Variants in SF3A3 observed in about 807,000 individuals in gnomAD.
SF3A3 encodes the protein splicing factor 3a subunit 3, also known as SAP 61.
SF3A3 carries 9 observed loss-of-function variants against 85.8 expected under a neutral mutation model. That is an observed-to-expected ratio of 0.10 (90% CI 0.06 to 0.18). The LOEUF (loss-of-function observed/expected upper bound fraction) is 0.18, where lower values mean the gene tolerates loss of function less well. Among genes scored for constraint, SF3A3 ranks in the 10% least tolerant of loss-of-function variants. The pLI, the probability that SF3A3 is intolerant of heterozygous loss-of-function variation, is 1.00. For missense variants in SF3A3, 306 were observed against 593.3 expected, an observed-to-expected ratio of 0.52 and a Z score of 5.03; for synonymous variants, 195 against 204.4, an observed-to-expected ratio of 0.95 and a Z score of 0.39.
chr1:37,981,941 TG>T (rs111640788), intron 6 of SF3A3, 130 bp from the exon 7 acceptor site: 234 of 584,248 alleles, frequency 4.0e-4, no homozygotes, highest in South Asian at 7.0e-4. Context: ...TGGCTAATTT[TG>T]GTTTTTTTTG....
intron 4 of SF3A3, among the ~76,000 whole-genome samples, chr1:37,986,002 G>GCA (rs1359520090): frequency 6.9e-6 from 1 of 144,990 alleles, no homozygotes; most frequent in Non-Finnish European, 1.5e-5. Flanking sequence ...AGGCTGGAGT[G>GCA]CAGTGGCGTG....
intron 7 of SF3A3, 115 bp downstream of exon 7, chr1:37,981,613 TG>T (rs3838995): frequency 0.023 from 16,615 of 730,048 alleles, 896 homozygotes; most frequent in East Asian, 0.18. Context: ...CCAATAAACC[TG>T]GAAGTATGCC....
Position 37,962,285 on chromosome 1 carries a change from CAAAAAAAAAAAAAAAAAA to C in SF3A3, c.1373-2128_1373-2111del, listed in dbSNP as rs10559284. 8.3e-4 allele frequency among the ~76,000 whole-genome samples: 22 copies of C among 26,538 alleles called. 1 individual carries two copies. In the South Asian group the frequency reaches 0.045, roughly 54 times the overall value. 17.4% of individuals were successfully genotyped at this position (26,538 alleles called of 152,430 possible). On this transcript the variant is annotated intron_variant, in intron 15 of 16. Transcript: ENST00000373019. ...AGCCTGGGTGACAGAGCGAGACTGTCAAAAAAAAAAAAAAAAAAAAAAAAAAAAAAAAAAAAGGCTGGG... is the reference window on the plus strand; with the variant it reads ...AGCCTGGGTGACAGAGCGAGACTGTCAAAAAAAAAAAAAAAAAAGGCTGGG...
intron 15 of SF3A3, among the ~76,000 whole-genome samples, chr1:37,966,342 G>A (rs1646300215): frequency 1.3e-5 from 2 of 152,122 alleles, no homozygotes; most frequent in Admixed American, 1.3e-4. Flanking sequence ...TCCTCTATGT[G>A]CTTCAGCAGC....
intron 15 of SF3A3, among the ~76,000 whole-genome samples, chr1:37,962,199 G>A (rs1297346107): frequency 3.6e-5 from 5 of 138,010 alleles, no homozygotes; most frequent in African/African-American, 1.1e-4. Context: ...CTTACTATGT[G>A]ACAGGGCAGT....
intron 12 of SF3A3, among the ~76,000 whole-genome samples, chr1:37,970,284 G>A (rs1397923973): frequency 2.8e-5 from 4 of 144,776 alleles, no homozygotes; most frequent in African/African-American, 5.2e-5. Flanking sequence ...CAGCCTGGGC[G>A]ACAGAGTGAG....
intron 7 of SF3A3, 71 bp downstream of exon 7, chr1:37,981,658 C>G: frequency 4.2e-6 from 4 of 961,054 alleles, no homozygotes; most frequent in Non-Finnish European, 6.7e-6. Flanking sequence ...AAATTCAGAA[C>G]TTCACCCTCA....
Position 37,989,564 on chromosome 1 carries a change from G to C in SF3A3, c.128C>G (p.Thr43Ser). Residue 43 changes from threonine (T) to serine (S), a missense_variant, in exon 2 of 17, where the codon ACT becomes AGT. Transcript: ENST00000373019. ...LRDQINSDHR[T>S]RAMQDRYMEV... ...GGCACTCACATCTTGCATGGCCCGA[G>C]TGCGGTGATCAGAATTGATCTGGTC... 6.2e-7 allele frequency: 1 copy of C among 1,613,994 alleles called. No individual in the cohort carries two copies. The highest frequency in any genetic ancestry group is 8.5e-7 in the Non-Finnish European group (1 of 1,179,976).
At position 37,984,696 on chromosome 1, in the gene SF3A3, C is replaced by A; in HGVS notation, c.376+11G>T. 1 of 1,599,060 alleles carries A rather than the reference C, an allele frequency of 6.3e-7. No individual in the cohort carries two copies. The highest frequency in any genetic ancestry group is 8.6e-7 in the Non-Finnish European group (1 of 1,166,240). On this transcript the variant is annotated intron_variant, in intron 5 of 16. Coordinates refer to ENST00000373019, the MANE Select transcript of SF3A3 (RefSeq NM_006802.4). ...TTGCTGGTGCTGAATGAAATTTTCA[C>A]CCCTACTTACTTTGTGCCTCTTCAC... is the stretch of plus-strand genomic sequence containing the variant.
Position 37,981,772 on chromosome 1 carries a change from A to G in SF3A3, c.508T>C (p.Leu170=), listed in dbSNP as rs1346670558. 1 of 1,599,226 alleles carries G rather than the reference A, an allele frequency of 6.3e-7. No homozygotes were observed. Among genetic ancestry groups the G allele is most frequent in the African/African-American group, 1.3e-5 (1 of 74,696 alleles). The stretch of plus-strand genomic sequence containing the variant: ...TTCCTTTCTTTAGGAATGTCAAATA[A>G]TTGGTCAAAGATGGACAGGTATGTG... ...YITYLSIFDQ[L]FDIPKERKNA... is the part of the protein sequence containing the mutation. Residue 170 remains leucine, a synonymous_variant, in exon 7 of 17, where the codon TTA becomes CTA. Coordinates refer to ENST00000373019, the MANE Select transcript of SF3A3 (RefSeq NM_006802.4).
At chr1:37,989,456 G>A (rs1351595136) in intron 2 of SF3A3, 92 bp downstream of exon 2, 11 of 1,404,420 alleles carry the variant, frequency 7.8e-6, no homozygotes, top group Non-Finnish European at 7.8e-6. Flanking sequence ...GTTACCTTTG[G>A]CCAGGGACTC....
intron 6 of SF3A3, among the ~76,000 whole-genome samples, chr1:37,983,336 C>T (rs1446772248): frequency 6.7e-6 from 1 of 149,304 alleles, no homozygotes; most frequent in African/African-American, 2.5e-5. Context: ...ATAATCCCAA[C>T]ACTTTGTGAG....
intron 6 of SF3A3, 200 bp downstream of exon 6, chr1:37,983,969 T>G: frequency 2.3e-6 from 1 of 427,732 alleles, no homozygotes. Context: ...TAAATAAATA[T>G]GCTTCTTGTT....
chr1:37,978,027 AAAAC>A (rs960822826), intron 11 of SF3A3, among the ~76,000 whole-genome samples: 19 of 151,468 alleles, frequency 1.3e-4, no homozygotes, highest in Admixed American at 2.0e-4. Flanking sequence ...AAAAAAGAAA[AAAAC>A]AAACAAACAA....
chr1:37,981,422 AT>A (rs942479778), intron 7 of SF3A3, among the ~76,000 whole-genome samples: 15 of 152,106 alleles, frequency 9.9e-5, no homozygotes, highest in African/African-American at 3.1e-4. Flanking sequence ...AGAAAGTCTA[AT>A]TTTTTTTCCC....
intron 4 of SF3A3, among the ~76,000 whole-genome samples, chr1:37,985,240 T>C (rs12738491): frequency 3.1e-4 from 47 of 152,260 alleles, no homozygotes; most frequent in Non-Finnish European, 5.6e-4. Flanking sequence ...TACCTTGTTT[T>C]TCCCCGCTTT....
At chr1:37,980,847 T>C (rs1034489886) in intron 7 of SF3A3, 123 bp from the exon 8 acceptor site, 1 of 601,086 alleles carries the variant, frequency 1.7e-6, no homozygotes, top group Non-Finnish European at 2.4e-6. Flanking sequence ...TACTCTTTTT[T>C]TTTTTTTTTT....
In SF3A3 at chr1:37,961,759, C is replaced by CAAAAAAAAAAAAAAAAAAAAAAAAA. The variant is rs10699691; in HGVS notation, c.1373-1585_1373-1584insTTTTTTTTTTTTTTTTTTTTTTTTT. On this transcript the variant is annotated intron_variant, in intron 15 of 16. Coordinates refer to ENST00000373019, the MANE Select transcript of SF3A3 (RefSeq NM_006802.4). ...AGCCTGGGTGACAAAGCAAGACTGCCAAAAAAAAAAAAAAAAAAAAAAAAG... is the reference window on the plus strand; with the variant it reads ...AGCCTGGGTGACAAAGCAAGACTGCCAAAAAAAAAAAAAAAAAAAAAAAAAAAAAAAAAAAAAAAAAAAAAAAAAG... Among the ~76,000 whole-genome samples, 2 of 37,798 alleles carry CAAAAAAAAAAAAAAAAAAAAAAAAA rather than the reference C, an allele frequency of 5.3e-5. 1 individual carries two copies. 24.8% of individuals were successfully genotyped at this position (37,798 alleles called of 152,430 possible).
intron 9 of SF3A3, 73 bp downstream of exon 9, chr1:37,979,392 A>AAAGACAGGAGAGCAGTCTT: frequency 8.8e-7 from 1 of 1,136,940 alleles, no homozygotes. Flanking sequence ...CCATGGTATT[A>AAAGACAGGAGAGCAGTCTT]AAGACAGGAG....
Sources: allele counts gnomAD v4.1 joint callset (sites outside exome capture counted in the v4.1 genomes callset), GRCh38; gene constraint gnomAD v4.1.1; transcripts MANE v1.5; gene names NCBI Gene and HGNC (gene_info 2026-07-23, HGNC 2026-07-21).